The following KDM7A variants were observed in gnomAD, a reference collection of about 807,000 sequenced individuals.
KDM7A encodes the protein lysine demethylase 7A, also known as lysine-specific demethylase 7A.
KDM7A carries 28 observed loss-of-function variants against 114.8 expected under a neutral mutation model. The observed-to-expected ratio is 0.24, with a 90% CI of 0.18 to 0.33. The LOEUF (loss-of-function observed/expected upper bound fraction) is 0.33. Among genes scored for constraint, KDM7A ranks in the 10% least tolerant of loss-of-function variants. The probability of loss-of-function intolerance (pLI) is 1.00; values close to 1 mark genes in which losing one functional copy is unlikely to be tolerated. For missense variants in KDM7A, 942 were observed against 1,142.5 expected (o/e 0.82, Z 2.53); for synonymous variants, 423 against 397.8 (o/e 1.06, Z -0.75).
intron 1 of KDM7A, among the ~76,000 whole-genome samples, chr7:140,167,949 GA>G (rs914773460): frequency 1.1e-4 from 16 of 150,426 alleles, no homozygotes; most frequent in East Asian, 7.8e-4. Flanking sequence ...GATAGAATCA[GA>G]AAAAAAAATG....
chr7:140,117,430 A>AG (rs1818549038), intron 9 of KDM7A, among the ~76,000 whole-genome samples: 1 of 151,638 alleles, frequency 6.6e-6, no homozygotes, highest in African/African-American at 2.4e-5. Context: ...AGACATTAGT[A>AG]GAAAAAAAAA....
At chr7:140,103,866 G>C (rs1363974736) in intron 11 of KDM7A, among the ~76,000 whole-genome samples, 3 of 152,192 alleles carry the variant, frequency 2.0e-5, no homozygotes, top group Non-Finnish European at 4.4e-5. Context: ...TCTAGTTCTA[G>C]ATCCCTGAGG....
chr7:140,164,286 C>T (rs1320198826), intron 1 of KDM7A, among the ~76,000 whole-genome samples: 1 of 152,110 alleles, frequency 6.6e-6, no homozygotes, highest in East Asian at 1.9e-4. Flanking sequence ...GGTTAAAGAC[C>T]TGAAAGAAAA....
chr7:140,132,979 T>C (rs1270835619), intron 3 of KDM7A, among the ~76,000 whole-genome samples: 2 of 152,242 alleles, frequency 1.3e-5, no homozygotes, highest in African/African-American at 4.8e-5. Context: ...GGAAATGATC[T>C]AAATTAGCAT....
chr7:140,151,797 A>G (rs76470959), intron 1 of KDM7A, among the ~76,000 whole-genome samples: 2 of 152,212 alleles, frequency 1.3e-5, no homozygotes, highest in African/African-American at 4.8e-5. Context: ...AGGATCTTTA[A>G]AAGATGAATG....
chr7:140,167,756 A>C (rs1794594203), intron 1 of KDM7A, among the ~76,000 whole-genome samples: 1 of 152,110 alleles, frequency 6.6e-6, no homozygotes, highest in Admixed American at 6.5e-5. Flanking sequence ...AACCAATAAA[A>C]GACTAATAAA....
chr7:140,088,393 A>G lies in KDM7A; in HGVS notation c.*2701T>C. ...CATCTATTCCTATTACTAAAGTTGC[A>G]TATGTTAATCATAATTCTCAATTTT... On this transcript the variant is annotated 3_prime_UTR_variant, in exon 20 of 20. Coordinates refer to ENST00000397560, the MANE Select transcript of KDM7A (RefSeq NM_030647.2). 1 of 397,232 alleles carries G rather than the reference A, an allele frequency of 2.5e-6. No homozygotes were observed. The highest frequency in any genetic ancestry group is 4.4e-6 in the Non-Finnish European group (1 of 225,142). The allele number at this position is 397,232 out of a possible 1,614,324, so 24.6% of individuals were successfully genotyped here. A position where few individuals can be genotyped will look rare whatever the true frequency, so the allele number is the denominator to read the frequency against.
In KDM7A at chr7:140,088,604, GT is replaced by G; in HGVS notation, c.*2489del. The G allele has an allele frequency of 2.5e-6, 1 of 397,536 alleles. No homozygotes were observed. The highest frequency in any genetic ancestry group is 4.4e-6 in the Non-Finnish European group (1 of 225,356). 24.6% of individuals were successfully genotyped at this position (397,536 alleles called of 1,614,324 possible). A position where few individuals can be genotyped will look rare whatever the true frequency, so the allele number is the denominator to read the frequency against. ...ATTATGGCCAGTAATGTTATAAGAC[GT>G]TTGACCAGGAGTCACTGGATCAGTG... On this transcript the variant is annotated 3_prime_UTR_variant, in exon 20 of 20. Coordinates refer to ENST00000397560, the MANE Select transcript of KDM7A (RefSeq NM_030647.2).
In KDM7A at chr7:140,092,289, G is replaced by C. The variant is rs559487009; in HGVS notation, c.2458-212C>G. 16 of 593,568 alleles carry C rather than the reference G, an allele frequency of 2.7e-5. 1 individual carries two copies. In the South Asian group the frequency reaches 3.3e-4, roughly 12 times the overall value. The allele number at this position is 593,568 out of a possible 1,614,324, so 36.8% of individuals were successfully genotyped here. A position where few individuals can be genotyped will look rare whatever the true frequency, so the allele number is the denominator to read the frequency against. On this transcript the variant is annotated intron_variant, in intron 18 of 19. Coordinates refer to ENST00000397560, the MANE Select transcript of KDM7A (RefSeq NM_030647.2). ...TCTTTAAGTTGCATCGTTAAGTTAA[G>C]AAGGCGAAAGAGAGAGTGAGAGAAA...
rs1411733806 is a variant in KDM7A, at chr7:140,086,212, A to C, written c.*4882T>G. On this transcript the variant is annotated 3_prime_UTR_variant, in exon 20 of 20. Transcript: ENST00000397560. ...ACGTGGTAGCCAGGGTTTATTAGTG[A>C]AATAGTGCAGAGCAGATAAACTTGG... is the stretch of plus-strand genomic sequence containing the variant. 6.6e-6 allele frequency: 1 copy of C among 152,236 alleles called. No homozygotes were observed. The highest frequency in any genetic ancestry group is 2.4e-5 in the African/African-American group (1 of 41,446). The allele number at this position is 152,236 out of a possible 1,614,324, so 9.4% of individuals were successfully genotyped here.
At chr7:140,160,944 CTT>C (rs1200174256) in intron 1 of KDM7A, among the ~76,000 whole-genome samples, 1 of 152,122 alleles carries the variant, frequency 6.6e-6, no homozygotes, top group Non-Finnish European at 1.5e-5. Context: ...CCAAAGAAAA[CTT>C]TGATCCTTTG....
At chr7:140,143,624 A>G (rs1047486182) in intron 1 of KDM7A, among the ~76,000 whole-genome samples, 1 of 152,228 alleles carries the variant, frequency 6.6e-6, no homozygotes, top group Non-Finnish European at 1.5e-5. Context: ...TATCAAAAGC[A>G]ATAAATCAGA....
rs1562945836 is a variant in KDM7A at position 140,100,667 on chromosome 7, T to TATATATATACACAC, written c.1639-645_1639-644insGTGTGTATATATAT. On this transcript the variant is annotated intron_variant, in intron 12 of 19. Coordinates refer to ENST00000397560, the MANE Select transcript of KDM7A (RefSeq NM_030647.2). ...TTAAAATATTTTAAAAAGTTATATA[T>TATATATATACACAC]ATATATATATATACATATATACATA... is the stretch of plus-strand genomic sequence containing the variant. 3.7e-4 allele frequency among the ~76,000 whole-genome samples: 16 copies of TATATATATACACAC among 43,288 alleles called. No individual in the cohort carries two copies. The Admixed American group carries it at 4.0e-3, about 11-fold the overall frequency. The allele number at this position is 43,288 out of a possible 152,430, so 28.4% of individuals were successfully genotyped here. A position where few individuals can be genotyped will look rare whatever the true frequency, so the allele number is the denominator to read the frequency against.
At chr7:140,132,097 T>G (rs1454265209) in intron 3 of KDM7A, among the ~76,000 whole-genome samples, 1 of 152,192 alleles carries the variant, frequency 6.6e-6, no homozygotes, top group Non-Finnish European at 1.5e-5. Flanking sequence ...AAACTTACAC[T>G]AAGTCTTAAA....
chr7:140,115,894 T>TA (rs35004743), intron 9 of KDM7A, among the ~76,000 whole-genome samples: 46,071 of 140,204 alleles, frequency 0.33, 7,585 homozygotes, highest in Middle Eastern at 0.4. Context: ...ATTTTTATCA[T>TA]AAAAAAAAAA....
At chr7:140,118,425 T>C (rs1294092894) in intron 9 of KDM7A, among the ~76,000 whole-genome samples, 1 of 152,186 alleles carries the variant, frequency 6.6e-6, no homozygotes, top group Non-Finnish European at 1.5e-5. Flanking sequence ...ACCTGACTTT[T>C]TTTTTTTGGA....
chr7:140,154,695 A>C (rs1794439388), intron 1 of KDM7A, among the ~76,000 whole-genome samples: 1 of 151,978 alleles, frequency 6.6e-6, no homozygotes, highest in Non-Finnish European at 1.5e-5. Flanking sequence ...ATGGGGATCA[A>C]GCATAAGTGA....
rs1348074058 is a variant in KDM7A, at chr7:140,176,710, G to C, written c.194+34C>G. On this transcript the variant is annotated intron_variant, in intron 1 of 19. Transcript: ENST00000397560. The surrounding 1 kb of genome is among the most constrained non-coding windows in gnomAD (Gnocchi z 4.4). ...GGCGGCGGTTGGTCGGTGGCCGGCG[G>C]TGGCGGCTGCGGGGCTGGAGGGGGT... 1.6e-6 allele frequency: 2 copies of C among 1,212,210 alleles called. No individual in the cohort carries two copies. The highest frequency in any genetic ancestry group is 1.0e-4 in the East Asian group (2 of 19,840). The allele number at this position is 1,212,210 out of a possible 1,614,324, so 75.1% of individuals were successfully genotyped here.
intron 7 of KDM7A, among the ~76,000 whole-genome samples, chr7:140,123,240 G>A (rs1818643726): frequency 1.3e-5 from 2 of 152,182 alleles, no homozygotes; most frequent in African/African-American, 4.8e-5. Flanking sequence ...TGGTGGTAAC[G>A]TAAAATGGTG....
Sources: allele counts gnomAD v4.1 joint callset (sites outside exome capture counted in the v4.1 genomes callset), GRCh38; gene constraint gnomAD v4.1.1; non-coding constraint Gnocchi (gnomAD v3.1); transcripts MANE v1.5; gene names NCBI Gene and HGNC (gene_info 2026-07-23, HGNC 2026-07-21).